C2orf78: variants seen among roughly 807,000 people sequenced by gnomAD.
C2orf78 encodes the protein chromosome 2 open reading frame 78.
C2orf78 carries 12 observed loss-of-function variants against 21.4 expected under a neutral mutation model. The ratio of observed to expected loss-of-function variants is 0.56; its 90% CI spans 0.36 to 0.91. C2orf78 has a LOEUF of 0.91. C2orf78 is among the 40% of genes least tolerant of loss of function. The pLI is 0.01. For missense variants in C2orf78, 1,042 were observed against 1,092.4 expected (o/e 0.95, Z 0.65); for synonymous variants, 396 against 413.9 (o/e 0.96, Z 0.52).
chr2:73,810,000 T>C (rs985538556), intron 1 of C2orf78, among the ~76,000 whole-genome samples: 1 of 151,568 alleles, frequency 6.6e-6, no homozygotes, highest in South Asian at 2.1e-4. Flanking sequence ...AATAAAAAAA[T>C]ATATTTTAAA....
At chr2:73,810,300 G>T (rs1246871719) in intron 1 of C2orf78, among the ~76,000 whole-genome samples, 1 of 152,084 alleles carries the variant, frequency 6.6e-6, no homozygotes, top group South Asian at 2.1e-4. Flanking sequence ...GGAGGCCGAG[G>T]TGGGCTGATG....
intron 1 of C2orf78, among the ~76,000 whole-genome samples, chr2:73,809,813 A>G (rs558385146): frequency 5.9e-5 from 9 of 152,248 alleles, no homozygotes; most frequent in Admixed American, 5.9e-4. Flanking sequence ...CAAAAGTAAT[A>G]TTCATGTTTT....
exon 3 of C2orf78, chr2:73,816,114 C>A: frequency 6.2e-7 from 1 of 1,613,942 alleles, no homozygotes; most frequent in South Asian, 1.1e-5. Context: ...CATGCACATG[C>A]TAGAGTCCGT....
At chr2:73,812,210 T>C (rs1422412744) in intron 1 of C2orf78, among the ~76,000 whole-genome samples, 2 of 152,246 alleles carry the variant, frequency 1.3e-5, no homozygotes. Context: ...GAGTAGATAC[T>C]ATTCAGTTTC....
chr2:73,784,497 G>A (rs1672884725), intron 1 of C2orf78, 91 bp downstream of exon 1: 4 of 549,120 alleles, frequency 7.3e-6, no homozygotes, highest in Non-Finnish European at 1.3e-5. Flanking sequence ...AAACAGCTTG[G>A]AATAACAGGG....
chr2:73,813,941 G>A (rs1673140828), exon 2 of C2orf78: 1 of 1,613,866 alleles, frequency 6.2e-7, no homozygotes, highest in Admixed American at 1.7e-5. Context: ...CCTTGTTCAG[G>A]GGACACTAAC....
exon 2 of C2orf78, chr2:73,814,179 TGTA>T: frequency 6.2e-7 from 1 of 1,600,112 alleles, no homozygotes; most frequent in Non-Finnish European, 8.6e-7. Flanking sequence ...ACTTCTGGGA[TGTA>T]TTACTCTGTG....
chr2:73,816,176 T>C, exon 3 of C2orf78: 1 of 1,613,878 alleles, frequency 6.2e-7, no homozygotes, highest in Non-Finnish European at 8.5e-7. Context: ...CTGGATTCTC[T>C]TCCTCCAGGA....
At chr2:73,815,331 T>A (rs776660732) in exon 3 of C2orf78, 36 of 1,613,910 alleles carry the variant, frequency 2.2e-5, no homozygotes, top group Non-Finnish European at 2.9e-5. Context: ...AACCAACCTT[T>A]CAAAGCCTCT....
intron 1 of C2orf78, among the ~76,000 whole-genome samples, chr2:73,812,610 G>A (rs1459822563): frequency 1.3e-5 from 2 of 151,956 alleles, no homozygotes; most frequent in East Asian, 3.9e-4. Context: ...AGACCAGCCT[G>A]GTAAACATGG....
exon 2 of C2orf78, chr2:73,813,489 A>G (rs755848001): frequency 6.2e-7 from 1 of 1,600,440 alleles, no homozygotes; most frequent in Non-Finnish European, 8.5e-7. Context: ...TATTTCCAAA[A>G]TACGTCTTTA....
chr2:73,813,124 A>T (rs1215592486), intron 1 of C2orf78, among the ~76,000 whole-genome samples: 1 of 152,200 alleles, frequency 6.6e-6, no homozygotes, highest in Non-Finnish European at 1.5e-5. Flanking sequence ...AGGACCTCCT[A>T]GTTCTAAAAT....
chr2:73,810,602 T>A lies in C2orf78; in HGVS notation c.98-2875T>A, dbSNP rs185066671. ...ATGTATATTATATATATACATAAAATATATATATTTTATATATATACATAA... is the reference window on the plus strand; with the variant it reads ...ATGTATATTATATATATACATAAAAAATATATATTTTATATATATACATAA... On this transcript the variant is annotated intron_variant, in intron 1 of 2. Transcript: ENST00000409561. Among the ~76,000 whole-genome samples, 25 of 138,450 alleles carry A rather than the reference T, an allele frequency of 1.8e-4. No individual in the cohort carries two copies. In the East Asian group the frequency reaches 4.4e-3, roughly 24 times the overall value. 90.8% of individuals were successfully genotyped at this position (138,450 alleles called of 152,430 possible). A position where few individuals can be genotyped will look rare whatever the true frequency, so the allele number is the denominator to read the frequency against.
chr2:73,811,084 A>T (rs1573199927), intron 1 of C2orf78, among the ~76,000 whole-genome samples: 1 of 151,200 alleles, frequency 6.6e-6, no homozygotes, highest in Non-Finnish European at 1.5e-5. Flanking sequence ...TGAGGTCAGG[A>T]GTTCGAGATC....
intron 1 of C2orf78, among the ~76,000 whole-genome samples, chr2:73,786,201 G>A (rs554933810): frequency 6.6e-6 from 1 of 151,854 alleles, no homozygotes; most frequent in African/African-American, 2.4e-5. Flanking sequence ...GCAACATGGT[G>A]AAACCCCATT....
chr2:73,815,795 G>A (rs1673181855), exon 3 of C2orf78: 1 of 1,613,838 alleles, frequency 6.2e-7, no homozygotes, highest in African/African-American at 1.3e-5. Flanking sequence ...AGAACCCAGA[G>A]TGCCTATTAG....
chr2:73,813,019 C>G (rs1313672216), intron 1 of C2orf78, among the ~76,000 whole-genome samples: 2 of 152,172 alleles, frequency 1.3e-5, no homozygotes, highest in African/African-American at 4.8e-5. Context: ...AAGTCAGGTT[C>G]TGTAACCTGG....
intron 1 of C2orf78, among the ~76,000 whole-genome samples, chr2:73,807,186 A>AAG (rs1672975609): frequency 9.2e-6 from 1 of 108,166 alleles, no homozygotes; most frequent in African/African-American, 4.5e-5. Context: ...TCTCAAAAAA[A>AAG]AAAAAAAAGA....
At chr2:73,784,849 A>C (rs1187794308) in intron 1 of C2orf78, among the ~76,000 whole-genome samples, 1 of 151,380 alleles carries the variant, frequency 6.6e-6, no homozygotes, top group Non-Finnish European at 1.5e-5. Flanking sequence ...TTTTAAATTT[A>C]GTGATGTTTA....
Sources: allele counts gnomAD v4.1 joint callset (sites outside exome capture counted in the v4.1 genomes callset), GRCh38; gene constraint gnomAD v4.1.1; transcripts MANE v1.5; gene names NCBI Gene and HGNC (gene_info 2026-07-23, HGNC 2026-07-21).